MRTFB: variants seen among roughly 807,000 people sequenced by gnomAD.
The protein encoded by MRTFB is myocardin related transcription factor B.
In MRTFB, 29 loss-of-function variants were observed where a neutral mutation model predicts 104.2. That is an observed-to-expected ratio of 0.28 (90% confidence interval 0.21 to 0.38). MRTFB has a LOEUF of 0.38. Among genes scored for constraint, MRTFB ranks in the 10% least tolerant of loss-of-function variants. The pLI is 1.00. For missense variants in MRTFB, 1,270 were observed against 1,341.6 expected (o/e 0.95, Z 0.83); for synonymous variants, 535 against 519.5 (o/e 1.03, Z -0.41).
chr16:14,234,355 G>A (rs906274537), intron 9 of MRTFB, 72 bp downstream of exon 9: 3 of 1,504,744 alleles, frequency 2.0e-6, no homozygotes, highest in Non-Finnish European at 2.7e-6. Context: ...GTGAATGGAA[G>A]ACAAAGGCAT....
intron 3 of MRTFB, among the ~76,000 whole-genome samples, chr16:14,156,836 A>G (rs1333692250): frequency 6.6e-6 from 1 of 152,144 alleles, no homozygotes; most frequent in Non-Finnish European, 1.5e-5. Context: ...TCCTTCTCAC[A>G]TGTATATTAA....
intron 3 of MRTFB, among the ~76,000 whole-genome samples, chr16:14,168,996 A>C (rs1246524868): frequency 2.0e-5 from 3 of 152,196 alleles, no homozygotes; most frequent in African/African-American, 7.2e-5. Flanking sequence ...TTTATGTGAA[A>C]GATTTTTTCC....
chr16:14,202,161 CA>C (rs2040737080), intron 3 of MRTFB, among the ~76,000 whole-genome samples: 1 of 150,630 alleles, frequency 6.6e-6, no homozygotes, highest in Non-Finnish European at 1.5e-5. Context: ...ATTCTTTAAG[CA>C]AATTACCAAA....
At chr16:14,206,631 C>T (rs539379655) in intron 3 of MRTFB, among the ~76,000 whole-genome samples, 7 of 152,100 alleles carry the variant, frequency 4.6e-5, no homozygotes, top group Non-Finnish European at 1.0e-4. Context: ...GATCTCGGCT[C>T]ACTGGGTTCA....
intron 3 of MRTFB, among the ~76,000 whole-genome samples, chr16:14,191,372 T>C (rs1473480092): frequency 6.6e-6 from 1 of 152,210 alleles, no homozygotes; most frequent in African/African-American, 2.4e-5. Flanking sequence ...TACAACCCAA[T>C]TCCTGTGCCA....
intron 2 of MRTFB, among the ~76,000 whole-genome samples, chr16:14,087,904 T>C (rs1013518967): frequency 6.6e-6 from 1 of 152,244 alleles, no homozygotes; most frequent in Admixed American, 6.5e-5. Context: ...CATTTCCCTC[T>C]AATAGTAAGT....
At chr16:14,219,304 T>C (rs1214689180) in intron 8 of MRTFB, among the ~76,000 whole-genome samples, 2 of 152,236 alleles carry the variant, frequency 1.3e-5, no homozygotes, top group Non-Finnish European at 2.9e-5. Context: ...TCAAATTTAT[T>C]GGGAACTGAG....
chr16:14,184,427 G>A (rs1204422656), intron 3 of MRTFB, among the ~76,000 whole-genome samples: 1 of 152,022 alleles, frequency 6.6e-6, no homozygotes, highest in East Asian at 1.9e-4. Flanking sequence ...TTGCCATGTT[G>A]GCCAGGCTGG....
Position 14,163,178 on chromosome 16 carries a change from A to C in MRTFB, c.154+22418A>C, listed in dbSNP as rs2142921661. Among the ~76,000 whole-genome samples, 2 of 152,242 alleles carry C rather than the reference A, an allele frequency of 1.3e-5. 1 individual carries two copies. The highest frequency in any genetic ancestry group is 4.1e-4 in the South Asian group (2 of 4,828). On this transcript the variant is annotated intron_variant, in intron 3 of 16. Transcript: ENST00000571589. ...TATATCTCATTGAGGGTATACAATCAAGACTGCATTCAAAAGCTGCTTTCT... is the reference window on the plus strand; with the variant it reads ...TATATCTCATTGAGGGTATACAATCCAGACTGCATTCAAAAGCTGCTTTCT...
At position 14,140,596 on chromosome 16, in the gene MRTFB, G is replaced by A. The variant is rs745650975; in HGVS notation, c.-11G>A. Reference sequence around the variant, plus strand: ...CGTCTTACACTCCCTGTTGCCAGTGGCTGGAACACAATGGATCACACAGGG... The same window carrying A: ...CGTCTTACACTCCCTGTTGCCAGTGACTGGAACACAATGGATCACACAGGG... On this transcript the variant is annotated 5_prime_UTR_variant, in exon 3 of 17. Transcript: ENST00000571589. The A allele has an allele frequency of 1.2e-6, 2 of 1,614,024 alleles. No individual in the cohort carries two copies. Among genetic ancestry groups the A allele is most frequent in the East Asian group, 4.5e-5 (2 of 44,876 alleles).
At chr16:14,017,584 C>T in the MRTFB span, among the ~76,000 whole-genome samples, 1 of 119,506 alleles carries the variant, frequency 8.4e-6, no homozygotes, top group Non-Finnish European at 1.7e-5. Flanking sequence ...AGAGAACTGA[C>T]TGACTACAGT....
chr16:14,032,374 A>G, the MRTFB span, among the ~76,000 whole-genome samples: 1 of 152,158 alleles, frequency 6.6e-6, no homozygotes, highest in Non-Finnish European at 1.5e-5. Context: ...AGGTGCTAGG[A>G]GAGTGATGTG....
the MRTFB span, among the ~76,000 whole-genome samples, chr16:14,040,800 G>C: frequency 6.6e-6 from 1 of 151,868 alleles, no homozygotes; most frequent in Non-Finnish European, 1.5e-5. Flanking sequence ...TTTTATTTTT[G>C]CCAATCTGAT....
chr16:14,234,133 C>T lies in MRTFB; in HGVS notation c.694-13C>T, dbSNP rs1469737755. ...AATTTCACAGACTTGTTCCTTTTTG[C>T]CTTTTCCACCAGTTTGCTTCAGTGT... On this transcript the variant is annotated splice_polypyrimidine_tract_variant and intron_variant, in intron 8 of 16. Transcript: ENST00000571589. The T allele has an allele frequency of 3.1e-6, 5 of 1,604,746 alleles. No individual in the cohort carries two copies. The highest frequency in any genetic ancestry group is 2.7e-5 in the African/African-American group (2 of 74,244).
chr16:13,998,646 G>A, the MRTFB span, among the ~76,000 whole-genome samples: 16 of 151,028 alleles, frequency 1.1e-4, no homozygotes, highest in Non-Finnish European at 1.5e-4. Flanking sequence ...ACCCTGTCTC[G>A]AAGAAGAAGG....
At chr16:13,998,260 T>C in the MRTFB span, among the ~76,000 whole-genome samples, 7 of 152,302 alleles carry the variant, frequency 4.6e-5, no homozygotes, top group East Asian at 1.9e-4. Flanking sequence ...CCTGAACTTA[T>C]TGATCTACCT....
chr16:14,200,666 G>A, intron 3 of MRTFB: 1 of 1,555,180 alleles, frequency 6.4e-7, no homozygotes, highest in Non-Finnish European at 8.9e-7. Context: ...GAGCCACTGG[G>A]TGTTTGAATC....
intron 3 of MRTFB, among the ~76,000 whole-genome samples, chr16:14,144,983 T>TAC (rs779791967): frequency 1.1e-5 from 1 of 93,740 alleles, no homozygotes; most frequent in African/African-American, 9.6e-5. Context: ...TATACATACA[T>TAC]ATATATATAT....
the MRTFB span, among the ~76,000 whole-genome samples, chr16:14,011,902 T>G: frequency 6.6e-6 from 1 of 152,186 alleles, no homozygotes; most frequent in South Asian, 2.1e-4. Flanking sequence ...TTGCAAGGAA[T>G]GCTCACAGGC....
Sources: allele counts gnomAD v4.1 joint callset (sites outside exome capture counted in the v4.1 genomes callset), GRCh38; gene constraint gnomAD v4.1.1; transcripts MANE v1.5; gene names NCBI Gene and HGNC (gene_info 2026-07-23, HGNC 2026-07-21).